Variants in PDXK observed in about 807,000 individuals in gnomAD.
The protein encoded by PDXK is pyridoxal kinase, also known as epididymis secretory sperm binding protein Li 1a.
PDXK carries 15 observed loss-of-function variants against 43.2 expected under a neutral mutation model. That is an observed-to-expected ratio of 0.35 (90% CI 0.23 to 0.53). The LOEUF is 0.53. Ranked by LOEUF, PDXK falls within the 20% of genes least tolerant of loss-of-function variation. The pLI is 0.92. For missense variants in PDXK, 343 were observed against 417.0 expected (o/e 0.82, Z 1.54); for synonymous variants, 172 against 165.4 (o/e 1.04, Z -0.31).
chr21:43,740,694 C>G (rs551952778), intron 2 of PDXK, among the ~76,000 whole-genome samples: 23 of 152,008 alleles, frequency 1.5e-4, no homozygotes, highest in African/African-American at 5.3e-4. Flanking sequence ...GCCTGTCTGC[C>G]TGGGACGGAC....
chr21:43,742,213 T>A (rs1192868237), intron 3 of PDXK, among the ~76,000 whole-genome samples: 1 of 152,216 alleles, frequency 6.6e-6, no homozygotes, highest in Non-Finnish European at 1.5e-5. Flanking sequence ...AGGGTCTCAC[T>A]CTGTGGCCCA....
chr21:43,753,181 C>CACACAT (rs2083783898), intron 8 of PDXK, among the ~76,000 whole-genome samples: 1 of 152,124 alleles, frequency 6.6e-6, no homozygotes, highest in South Asian at 2.1e-4. Flanking sequence ...GGCATACATG[C>CACACAT]ACACATACAC....
intron 4 of PDXK, 72 bp from the exon 5 acceptor site, chr21:43,746,007 G>T (rs373568499): frequency 8.2e-7 from 1 of 1,217,658 alleles, no homozygotes; most frequent in Non-Finnish European, 1.2e-6. Context: ...AAAAAAAGAA[G>T]AAAGAAATGT....
chr21:43,745,838 C>T, intron 4 of PDXK: 2 of 553,096 alleles, frequency 3.6e-6, no homozygotes, highest in South Asian at 4.0e-5. Flanking sequence ...CTGTACAAAT[C>T]ATTTAAAAGC....
chr21:43,742,407 C>T (rs2083552366), intron 3 of PDXK, among the ~76,000 whole-genome samples: 2 of 152,144 alleles, frequency 1.3e-5, no homozygotes, highest in Admixed American at 6.5e-5. Context: ...GTCTTGAACT[C>T]CTAGGCTCAA....
In PDXK at chr21:43,737,801, T is replaced by C; in HGVS notation, c.142+3678T>C. 1 of 985,456 alleles carries C rather than the reference T, an allele frequency of 1.0e-6. No individual in the cohort carries two copies. The highest frequency in any genetic ancestry group is 1.2e-6 in the Non-Finnish European group (1 of 829,928). 61.0% of individuals were successfully genotyped at this position (985,456 alleles called of 1,614,324 possible). On this transcript the variant is annotated intron_variant, in intron 2 of 10. Coordinates refer to ENST00000291565, the MANE Select transcript of PDXK (RefSeq NM_003681.5). This position sits in a 1 kb window ranked among gnomAD's most constrained non-coding sequence, Gnocchi z 4.8. ...GATCTGACAGGAGTGCCAGGCTCCTTGGGCCGCCCGAGGAACCGCTTGTTT... is the reference window on the plus strand; with the variant it reads ...GATCTGACAGGAGTGCCAGGCTCCTCGGGCCGCCCGAGGAACCGCTTGTTT...
chr21:43,719,747 CAGAGCCCCGA>C, intron 1 of PDXK: 2 of 985,480 alleles, frequency 2.0e-6, no homozygotes, highest in Non-Finnish European at 2.4e-6. Context: ...GGAAATGTCG[CAGAGCCCCGA>C]GGAGTCCCGG....
intron 1 of PDXK, among the ~76,000 whole-genome samples, chr21:43,722,363 T>A (rs770106134): frequency 6.6e-6 from 1 of 152,322 alleles, no homozygotes; most frequent in Non-Finnish European, 1.5e-5. Context: ...CCTCACTGCA[T>A]GGGGGAGATC....
intron 1 of PDXK, 154 bp downstream of exon 1, chr21:43,719,535 C>G (rs2083188694): frequency 4.2e-6 from 4 of 951,778 alleles, no homozygotes; most frequent in Non-Finnish European, 2.5e-6. Context: ...ATGAGCCTCC[C>G]GCTCTGCTTG....
In PDXK at chr21:43,756,764, AC is replaced by A. The variant is rs1482492751; in HGVS notation, c.*704del. ...TCAGCTACCCGCGGGACCTCTTGTA[AC>A]CCATCGGCATCTTCCAGGAATCCGC... On this transcript the variant is annotated 3_prime_UTR_variant, in exon 11 of 11. Coordinates refer to ENST00000291565, the MANE Select transcript of PDXK (RefSeq NM_003681.5). 5 of 152,194 alleles carry A rather than the reference AC, an allele frequency of 3.3e-5. No homozygotes were observed. The highest frequency in any genetic ancestry group is 6.5e-5 in the Admixed American group (1 of 15,286). The allele number at this position is 152,194 out of a possible 1,614,324, so 9.4% of individuals were successfully genotyped here.
chr21:43,722,817 T>TA (rs1406577374), intron 1 of PDXK, among the ~76,000 whole-genome samples: 1 of 152,206 alleles, frequency 6.6e-6, no homozygotes, highest in Non-Finnish European at 1.5e-5. Flanking sequence ...CTTGGAATCT[T>TA]ACATCTGCAA....
chr21:43,737,231 G>A lies in PDXK; in HGVS notation c.142+3108G>A. The A allele has an allele frequency of 7.0e-7, 1 of 1,424,232 alleles. No homozygotes were observed. The highest frequency in any genetic ancestry group is 9.2e-7 in the Non-Finnish European group (1 of 1,091,930). The allele number at this position is 1,424,232 out of a possible 1,614,324, so 88.2% of individuals were successfully genotyped here. The stretch of plus-strand genomic sequence containing the variant: ...TTGGTTCCCTGACGCCCTTCAGGCT[G>A]GGGGGTGGGAAAGCCGATCCCCCAA... On this transcript the variant is annotated intron_variant, in intron 2 of 10. Transcript: ENST00000291565. The surrounding 1 kb of genome is among the most constrained non-coding windows in gnomAD (Gnocchi z 4.8).
In PDXK at chr21:43,737,452, C is replaced by A. The variant is rs2083424391; in HGVS notation, c.142+3329C>A. Reference sequence around the variant, plus strand: ...CCCAGTGGCCCCTTTGAGAGGATTTCCTGGAGCTCCCTGTCTGAGCTTCCC... The same window carrying A: ...CCCAGTGGCCCCTTTGAGAGGATTTACTGGAGCTCCCTGTCTGAGCTTCCC... On this transcript the variant is annotated intron_variant, in intron 2 of 10. Transcript: ENST00000291565. The surrounding 1 kb of genome is among the most constrained non-coding windows in gnomAD (Gnocchi z 4.8). 9.3e-7 allele frequency: 1 copy of A among 1,070,462 alleles called. No individual in the cohort carries two copies. The highest frequency in any genetic ancestry group is 2.8e-5 in the South Asian group (1 of 35,910). The allele number at this position is 1,070,462 out of a possible 1,614,324, so 66.3% of individuals were successfully genotyped here.
chr21:43,736,551 G>A (rs2083405698), intron 2 of PDXK, among the ~76,000 whole-genome samples: 1 of 152,088 alleles, frequency 6.6e-6, no homozygotes, highest in Non-Finnish European at 1.5e-5. Flanking sequence ...GGCTGCGCCT[G>A]ATTTGGCAGG....
Position 43,732,237 on chromosome 21 carries a change from G to T in PDXK, c.88-1832G>T, listed in dbSNP as rs973831800. 3.4e-6 allele frequency: 5 copies of T among 1,463,904 alleles called. No homozygotes were observed. Among genetic ancestry groups the T allele is most frequent in the South Asian group, 2.9e-5 (2 of 69,760 alleles). 90.7% of individuals were successfully genotyped at this position (1,463,904 alleles called of 1,614,324 possible). ...CCAGAGGCATGGTCCGGCACAGAGC[G>T]CTGGCTTCCAGCTGAAGGACATGTG... On this transcript the variant is annotated intron_variant, in intron 1 of 10. Transcript: ENST00000291565. The surrounding 1 kb of genome is among the most constrained non-coding windows in gnomAD (Gnocchi z 4.1).
At chr21:43,740,448 C>T (rs956190770) in intron 2 of PDXK, among the ~76,000 whole-genome samples, 1 of 152,092 alleles carries the variant, frequency 6.6e-6, no homozygotes, top group Non-Finnish European at 1.5e-5. Flanking sequence ...CTGAAAAAGG[C>T]ATGCATTAGA....
intron 4 of PDXK, among the ~76,000 whole-genome samples, chr21:43,745,493 T>C (rs973277657): frequency 1.0e-4 from 15 of 150,678 alleles, no homozygotes; most frequent in African/African-American, 3.4e-4. Flanking sequence ...CGTGAGTGTA[T>C]AGTGAGGACA....
Position 43,737,449 on chromosome 21 carries a change from T to C in PDXK, c.142+3326T>C. ...ATTCCCAGTGGCCCCTTTGAGAGGA[T>C]TTCCTGGAGCTCCCTGTCTGAGCTT... is the stretch of plus-strand genomic sequence containing the variant. On this transcript the variant is annotated intron_variant, in intron 2 of 10. Coordinates refer to ENST00000291565, the MANE Select transcript of PDXK (RefSeq NM_003681.5). This position sits in a 1 kb window ranked among gnomAD's most constrained non-coding sequence, Gnocchi z 4.8. 1.9e-6 allele frequency: 2 copies of C among 1,073,020 alleles called. No homozygotes were observed. Among genetic ancestry groups the C allele is most frequent in the South Asian group, 5.6e-5 (2 of 36,024 alleles). The allele number at this position is 1,073,020 out of a possible 1,614,324, so 66.5% of individuals were successfully genotyped here. A position where few individuals can be genotyped will look rare whatever the true frequency, so the allele number is the denominator to read the frequency against.
At chr21:43,747,454 T>A (rs139239702) in intron 5 of PDXK, among the ~76,000 whole-genome samples, 216 of 152,398 alleles carry the variant, frequency 1.4e-3, no homozygotes, top group African/African-American at 5.0e-3. Context: ...GCCTGTGCCC[T>A]CCCTGCCCCG....
Sources: allele counts gnomAD v4.1 joint callset (sites outside exome capture counted in the v4.1 genomes callset), GRCh38; gene constraint gnomAD v4.1.1; non-coding constraint Gnocchi (gnomAD v3.1); transcripts MANE v1.5; gene names NCBI Gene and HGNC (gene_info 2026-07-23, HGNC 2026-07-21).